The following EPB41L1 variants were observed in gnomAD, a reference collection of about 807,000 sequenced individuals.
EPB41L1 encodes band 4.1-like protein 1.
In EPB41L1, 29 loss-of-function variants were observed where a neutral mutation model predicts 97.8. That is an observed-to-expected ratio of 0.30 (90% CI 0.22 to 0.40). EPB41L1 has a LOEUF of 0.40. Ranked by LOEUF, EPB41L1 falls within the 10% of genes least tolerant of loss-of-function variation. EPB41L1 has a pLI of 1.00. For synonymous variants in EPB41L1, 383 were observed against 459.2 expected, an observed-to-expected ratio of 0.83 and a Z score of 2.12; for missense variants, 812 against 1,162.3, an observed-to-expected ratio of 0.70 and a Z score of 4.38.
At chr20:36,158,663 T>C (rs2060411020) in intron 1 of EPB41L1, among the ~76,000 whole-genome samples, 1 of 152,146 alleles carries the variant, frequency 6.6e-6, no homozygotes, top group Non-Finnish European at 1.5e-5. Context: ...CAATGCATTG[T>C]ATTAGCCACG....
At chr20:36,137,600 C>T (rs751690713) in intron 2 of EPB41L1, among the ~76,000 whole-genome samples, 12 of 152,118 alleles carry the variant, frequency 7.9e-5, no homozygotes, top group African/African-American at 1.4e-4. Context: ...TCTTGGCTCA[C>T]GGCAATCTCC....
intron 3 of EPB41L1, 75 bp from the exon 4 acceptor site, chr20:36,177,877 G>T (rs1318492933): frequency 8.2e-7 from 1 of 1,218,938 alleles, no homozygotes; most frequent in Non-Finnish European, 1.2e-6. Context: ...AATTGTCCTG[G>T]TGGAGCCCAG....
At chr20:36,142,293 T>C (rs1447881132) in intron 2 of EPB41L1, among the ~76,000 whole-genome samples, 2 of 152,198 alleles carry the variant, frequency 1.3e-5, no homozygotes, top group African/African-American at 4.8e-5. Flanking sequence ...CATATGTATG[T>C]ATCACTATTT....
chr20:36,134,422 A>G (rs1465800386), intron 2 of EPB41L1, among the ~76,000 whole-genome samples: 1 of 152,176 alleles, frequency 6.6e-6, no homozygotes, highest in East Asian at 1.9e-4. Flanking sequence ...TGGTATCCAA[A>G]GGCCTTCCTG....
chr20:36,137,537 G>T (rs2147801951), intron 2 of EPB41L1, among the ~76,000 whole-genome samples: 1 of 151,076 alleles, frequency 6.6e-6, no homozygotes, highest in Middle Eastern at 3.5e-3. Context: ...CTTTTTTTAT[G>T]TTTTGAGACT....
intron 14 of EPB41L1, among the ~76,000 whole-genome samples, chr20:36,204,320 G>C (rs2062668170): frequency 6.6e-6 from 1 of 151,968 alleles, no homozygotes; most frequent in Non-Finnish European, 1.5e-5. Context: ...TTTGTGGGAA[G>C]TATCCTGTGG....
At chr20:36,118,480 C>T (rs2058655425) in intron 2 of EPB41L1, among the ~76,000 whole-genome samples, 2 of 152,178 alleles carry the variant, frequency 1.3e-5, no homozygotes, top group Admixed American at 6.5e-5. Context: ...TGGGCCAAAC[C>T]AGAACCAGAG....
chr20:36,150,123 A>G (rs1423000617), upstream of EPB41L1, among the ~76,000 whole-genome samples: 1 of 149,980 alleles, frequency 6.7e-6, no homozygotes, highest in Non-Finnish European at 1.5e-5. Flanking sequence ...GCTGGAGTGC[A>G]ATAGCACGAT....
intron 1 of EPB41L1, among the ~76,000 whole-genome samples, chr20:36,095,107 G>T (rs1179446774): frequency 6.6e-6 from 1 of 152,124 alleles, no homozygotes; most frequent in Non-Finnish European, 1.5e-5. Context: ...AAGTAGCTGG[G>T]ATTACAGGCA....
At chr20:36,102,116 G>C (rs185199286) in intron 1 of EPB41L1, among the ~76,000 whole-genome samples, 4 of 139,170 alleles carry the variant, frequency 2.9e-5, no homozygotes, top group Non-Finnish European at 4.7e-5. Context: ...TGGGCGGGGT[G>C]GGGGGTGGGC....
At chr20:36,228,436 T>A (rs1222228060) in intron 21 of EPB41L1, among the ~76,000 whole-genome samples, 2 of 152,196 alleles carry the variant, frequency 1.3e-5, no homozygotes, top group African/African-American at 4.8e-5. Flanking sequence ...CACTGTGGCG[T>A]GCACCTGTAA....
Position 36,178,641 on chromosome 20 carries a change from C to A in EPB41L1, c.459C>A (p.Asp153Glu). 6.2e-7 allele frequency: 1 copy of A among 1,614,140 alleles called. No homozygotes were observed. The highest frequency in any genetic ancestry group is 8.5e-7 in the Non-Finnish European group (1 of 1,180,026). ...ATCTTTTCTTTTAGAACTGGCTGGA[C>A]CCCTCCAAGGAGATCAAGAAGCAGA... Reference protein sequence around the residue: ...CDADSQKNWLDPSKEIKKQIR... With the variant: ...CDADSQKNWLEPSKEIKKQIR... The change falls in exon 5 of 22, where the codon GAC (aspartate) becomes GAA (glutamate). Residue 153 changes from aspartate to glutamate, a missense_variant. By Grantham distance (45) the Asp-to-Glu change is conservative (BLOSUM62 2). Transcript: ENST00000338074.
At chr20:36,218,018 C>G (rs1425185196) in intron 17 of EPB41L1, among the ~76,000 whole-genome samples, 5 of 152,094 alleles carry the variant, frequency 3.3e-5, no homozygotes, top group African/African-American at 1.2e-4. Flanking sequence ...GGCGCCAGAT[C>G]GGGGGCAGTA....
chr20:36,212,468 C>A lies in EPB41L1; in HGVS notation c.2184+92C>A. ...CTGTGGCCAAACCCCTTGGCCAGCT[C>A]TTTTAATCTCAGCTTCCCTGGAACC... On this transcript the variant is annotated intron_variant, in intron 16 of 21. Transcript: ENST00000338074. The surrounding 1 kb of genome is among the most constrained non-coding windows in gnomAD (Gnocchi z 4.8). 2 of 1,040,320 alleles carry A rather than the reference C, an allele frequency of 1.9e-6. No individual in the cohort carries two copies. The highest frequency in any genetic ancestry group is 1.3e-5 in the South Asian group (1 of 75,190). The allele number at this position is 1,040,320 out of a possible 1,614,324, so 64.4% of individuals were successfully genotyped here. A position where few individuals can be genotyped will look rare whatever the true frequency, so the allele number is the denominator to read the frequency against.
rs1569275328 is a variant in EPB41L1, at chr20:36,194,342, C to T, written c.1431C>T (p.Thr477=). ...EAEEGEVRTP[T]KIKELKPEQE... ...AGGAGGGAGAGGTCAGGACTCCAAC[C>T]AAGATCAAGGAGCTAAAGGTAGGAG... Residue 477 remains threonine (T), a synonymous_variant, in exon 12 of 22, where the codon ACC becomes ACT. Coordinates refer to ENST00000338074, the MANE Select transcript of EPB41L1 (RefSeq NM_012156.2). 6.2e-7 allele frequency: 1 copy of T among 1,612,816 alleles called. No individual in the cohort carries two copies. Among genetic ancestry groups the T allele is most frequent in the African/African-American group, 1.3e-5 (1 of 75,030 alleles).
At chr20:36,163,689 C>T (rs1170067600) in intron 1 of EPB41L1, among the ~76,000 whole-genome samples, 1 of 152,120 alleles carries the variant, frequency 6.6e-6, no homozygotes, top group Non-Finnish European at 1.5e-5. Flanking sequence ...TAGCTCTCGG[C>T]CTGAATGAGC....
intron 1 of EPB41L1, among the ~76,000 whole-genome samples, chr20:36,159,563 G>A (rs943396354): frequency 6.6e-6 from 1 of 152,210 alleles, no homozygotes; most frequent in Admixed American, 6.5e-5. Flanking sequence ...GCAGAGTTGA[G>A]TTCACATTTT....
At chr20:36,134,082 T>C (rs566185827) in intron 2 of EPB41L1, among the ~76,000 whole-genome samples, 24 of 152,246 alleles carry the variant, frequency 1.6e-4, no homozygotes, top group African/African-American at 5.5e-4. Context: ...CATTGTCTTT[T>C]TCTACTGTAT....
At chr20:36,188,641 C>CACACACACAG (rs1170858082) in intron 9 of EPB41L1, 142 bp downstream of exon 9, 153 of 273,116 alleles carry the variant, frequency 5.6e-4, no homozygotes, top group East Asian at 1.7e-3. Flanking sequence ...CACACACACA[C>CACACACACAG]AGAGAGAGAG....
Sources: allele counts gnomAD v4.1 joint callset (sites outside exome capture counted in the v4.1 genomes callset), GRCh38; gene constraint gnomAD v4.1.1; non-coding constraint Gnocchi (gnomAD v3.1); transcripts MANE v1.5; gene names NCBI Gene and HGNC (gene_info 2026-07-23, HGNC 2026-07-21).